Variants in FGD3 observed in about 807,000 individuals in gnomAD.
FGD3 encodes FYVE, RhoGEF and PH domain containing 3, also known as FYVE, RhoGEF and PH domain-containing protein 3.
Under a neutral mutation model 71.8 loss-of-function variants are expected in FGD3, and 45 were observed. The ratio of observed to expected loss-of-function variants is 0.63; its 90% CI spans 0.49 to 0.80. The LOEUF is 0.80. Ranked by LOEUF, FGD3 falls within the 30% of genes least tolerant of loss-of-function variation. The pLI is 0.00. For synonymous variants in FGD3, 378 were observed against 392.8 expected (o/e 0.96, Z 0.44); for missense variants, 844 against 951.5 (o/e 0.89, Z 1.49).
chr9:92,989,828 C>T (rs572124533), intron 3 of FGD3, among the ~76,000 whole-genome samples: 3 of 150,664 alleles, frequency 2.0e-5, no homozygotes, highest in Non-Finnish European at 4.4e-5. Context: ...AAGGCAGTTT[C>T]TTGCATGACT....
Position 93,010,263 on chromosome 9 carries a change from G to C in FGD3, c.855G>C (p.Gly285=). ...VHSIQKQEVC[G]NLTLQHHMLE... is the part of the protein sequence containing the mutation. Reference sequence around the variant, plus strand: ...CCCCACAGAAGCAGGAGGTATGCGGGAACCTGACGCTGCAGCACCACATGC... The same window carrying C: ...CCCCACAGAAGCAGGAGGTATGCGGCAACCTGACGCTGCAGCACCACATGC... Residue 285 remains glycine, a synonymous_variant, in exon 7 of 18, where the codon GGG becomes GGC. Transcript: ENST00000375482. 1 of 1,610,944 alleles carries C rather than the reference G, an allele frequency of 6.2e-7. No homozygotes were observed. The highest frequency in any genetic ancestry group is 8.5e-7 in the Non-Finnish European group (1 of 1,177,572).
chr9:93,035,798 G>A lies in FGD3; in HGVS notation c.*209G>A. ...GTCACCCAGCAAGTTTTGGCTAAGA[G>A]CCTGGCCTCCAGCCCCAGCAGTGTG... On this transcript the variant is annotated 3_prime_UTR_variant, in exon 18 of 18. Coordinates refer to ENST00000375482, the MANE Select transcript of FGD3 (RefSeq NM_001083536.2). 1 of 680,422 alleles carries A rather than the reference G, an allele frequency of 1.5e-6. No individual in the cohort carries two copies. Among genetic ancestry groups the A allele is most frequent in the South Asian group, 2.4e-5 (1 of 40,922 alleles). 42.1% of individuals were successfully genotyped at this position (680,422 alleles called of 1,614,324 possible). A position where few individuals can be genotyped will look rare whatever the true frequency, so the allele number is the denominator to read the frequency against.
chr9:92,986,238 A>G (rs1301027053), intron 3 of FGD3, among the ~76,000 whole-genome samples: 1 of 152,106 alleles, frequency 6.6e-6, no homozygotes, highest in Non-Finnish European at 1.5e-5. Context: ...TATCTCCATG[A>G]CCTTATAGTG....
intron 16 of FGD3, 139 bp downstream of exon 16, chr9:93,033,012 G>A (rs759925211): frequency 5.2e-5 from 44 of 847,232 alleles, no homozygotes; most frequent in Admixed American, 7.9e-5. Context: ...GTGTCTCAGT[G>A]GGGCCCCCAG....
chr9:93,005,139 T>C (rs1861004325), intron 5 of FGD3, among the ~76,000 whole-genome samples: 1 of 152,040 alleles, frequency 6.6e-6, no homozygotes, highest in Admixed American at 6.6e-5. Context: ...ATTTTTTTTT[T>C]TTAAACAGAG....
chr9:93,003,055 C>A lies in FGD3; in HGVS notation c.543+41C>A. The A allele has an allele frequency of 1.3e-6, 2 of 1,573,906 alleles. No individual in the cohort carries two copies. Among genetic ancestry groups the A allele is most frequent in the South Asian group, 1.1e-5 (1 of 90,188 alleles). On this transcript the variant is annotated intron_variant, in intron 4 of 17. Coordinates refer to ENST00000375482, the MANE Select transcript of FGD3 (RefSeq NM_001083536.2). This position sits in a 1 kb window ranked among gnomAD's most constrained non-coding sequence, Gnocchi z 4.1. ...TGGGGGCAGTTTCAGTATCTCTTAG[C>A]ATTGGCTGGGCATTATAGGTGCAGT... is the stretch of plus-strand genomic sequence containing the variant.
intron 1 of FGD3, among the ~76,000 whole-genome samples, chr9:92,949,268 T>C (rs1248669572): frequency 6.6e-6 from 1 of 152,156 alleles, no homozygotes; most frequent in Non-Finnish European, 1.5e-5. Context: ...TGCCTCAGTT[T>C]CTCCATTTGT....
chr9:92,992,507 C>A (rs1279917158), intron 3 of FGD3, among the ~76,000 whole-genome samples: 1 of 152,164 alleles, frequency 6.6e-6, no homozygotes. Flanking sequence ...ATTGCTTGAG[C>A]TCCTGGGTTG....
rs1284229719 is a variant in FGD3 at position 93,030,897 on chromosome 9, A to T, written c.1680+901A>T. 2.0e-5 allele frequency among the ~76,000 whole-genome samples: 3 copies of T among 152,168 alleles called. 1 individual carries two copies. The South Asian group carries it at 6.2e-4, about 32-fold the overall frequency. On this transcript the variant is annotated intron_variant, in intron 15 of 17. Coordinates refer to ENST00000375482, the MANE Select transcript of FGD3 (RefSeq NM_001083536.2). Reference sequence around the variant, plus strand: ...AGGTGGGTAGTTAGATAAATGGCATATGGAAGTATGAATGGAAGTGGATAT... The same window carrying T: ...AGGTGGGTAGTTAGATAAATGGCATTTGGAAGTATGAATGGAAGTGGATAT...
At chr9:93,005,800 C>G (rs1404321244) in intron 5 of FGD3, among the ~76,000 whole-genome samples, 3 of 152,176 alleles carry the variant, frequency 2.0e-5, no homozygotes, top group Non-Finnish European at 4.4e-5. Context: ...GCAGCTTGGA[C>G]TTTTAACTGT....
At chr9:92,957,841 C>T (rs1859091115) in intron 1 of FGD3, among the ~76,000 whole-genome samples, 1 of 151,234 alleles carries the variant, frequency 6.6e-6, no homozygotes, top group Non-Finnish European at 1.5e-5. Context: ...ACCACTATGC[C>T]CAGCTAATTT....
At chr9:93,004,183 T>C in intron 5 of FGD3, 46 bp downstream of exon 5, 2 of 1,606,676 alleles carry the variant, frequency 1.2e-6, no homozygotes, top group African/African-American at 1.3e-5. Flanking sequence ...AAGTGTTCTC[T>C]AGACCAGGGT....
chr9:92,988,551 T>A (rs1048242977), intron 3 of FGD3, among the ~76,000 whole-genome samples: 2 of 152,192 alleles, frequency 1.3e-5, no homozygotes, highest in African/African-American at 2.4e-5. Context: ...TACCTTACAC[T>A]AATCTGCCAT....
In FGD3 at chr9:93,018,129, C is replaced by G. The variant is rs781001302; in HGVS notation, c.1276-7C>G. The G allele has an allele frequency of 1.2e-6, 2 of 1,613,768 alleles. No homozygotes were observed. Among genetic ancestry groups the G allele is most frequent in the African/African-American group, 2.7e-5 (2 of 74,888 alleles). ...GTTTGCTTTGTTCTTTGTTCTTGCCCCTTCAGGTGCAGGATATCGTCAAGC... is the reference window on the plus strand; with the variant it reads ...GTTTGCTTTGTTCTTTGTTCTTGCCGCTTCAGGTGCAGGATATCGTCAAGC... On this transcript the variant is annotated splice_region_variant and splice_polypyrimidine_tract_variant and intron_variant, in intron 10 of 17. Transcript: ENST00000375482.
intron 8 of FGD3, among the ~76,000 whole-genome samples, chr9:93,011,980 A>G (rs1158049133): frequency 6.6e-6 from 1 of 151,876 alleles, no homozygotes; most frequent in Non-Finnish European, 1.5e-5. Context: ...AATATGGTGA[A>G]ACCCCATCTC....
chr9:92,950,042 T>C lies in FGD3; in HGVS notation c.-218+2313T>C, dbSNP rs542171802. Among the ~76,000 whole-genome samples the C allele has an allele frequency of 4.8e-4, 73 of 152,020 alleles. 1 individual carries two copies. Among genetic ancestry groups the C allele is most frequent in the African/African-American group, 1.3e-3 (54 of 41,508 alleles). ...CCTCCCTTCTTTCCTTCCTCTTTTT[T>C]TTTTTCTTTTTCTCCTCCCTTCATC... On this transcript the variant is annotated intron_variant, in intron 1 of 17. Coordinates refer to ENST00000375482, the MANE Select transcript of FGD3 (RefSeq NM_001083536.2).
intron 1 of FGD3, among the ~76,000 whole-genome samples, chr9:92,957,320 A>C (rs748894904): frequency 2.0e-5 from 3 of 152,248 alleles, no homozygotes; most frequent in Non-Finnish European, 4.4e-5. Flanking sequence ...TTCCACCAGC[A>C]TGAGAGTTTC....
rs1389323889 is a variant in FGD3, at chr9:93,004,021, G to C, written c.564G>C (p.Thr188=). ...LLDQVFCTRL[T]DAGIPPEVIM... ...CTCAGGTTTTCTGCACCAGGCTGACGGATGCGGGGATCCCTCCAGAAGTCA... is the reference window on the plus strand; with the variant it reads ...CTCAGGTTTTCTGCACCAGGCTGACCGATGCGGGGATCCCTCCAGAAGTCA... The change falls in exon 5 of 18, where the codon ACG becomes ACC. Residue 188 remains threonine (T), a synonymous_variant. Coordinates refer to ENST00000375482, the MANE Select transcript of FGD3 (RefSeq NM_001083536.2). The C allele has an allele frequency of 6.2e-7, 1 of 1,614,018 alleles. No individual in the cohort carries two copies. The highest frequency in any genetic ancestry group is 8.5e-7 in the Non-Finnish European group (1 of 1,180,040).
chr9:93,035,007 T>G (rs1446626840), intron 17 of FGD3, among the ~76,000 whole-genome samples: 1 of 152,116 alleles, frequency 6.6e-6, no homozygotes, highest in Non-Finnish European at 1.5e-5. Context: ...GGAGCCCCAG[T>G]TGCTACTCTG....
Sources: gnomAD v4.1 joint callset for allele counts (sites outside exome capture counted in the v4.1 genomes callset) on GRCh38, gnomAD v4.1.1 for gene constraint, Gnocchi (gnomAD v3.1) non-coding constraint, MANE v1.5 for transcripts, NCBI Gene and HGNC (gene_info 2026-07-23, HGNC 2026-07-21) for gene names.